WSB1: variants seen among roughly 807,000 people sequenced by gnomAD.
WSB1 encodes WD repeat and SOCS box-containing protein 1.
In WSB1, 23 loss-of-function variants were observed where a neutral mutation model predicts 50.2. The observed-to-expected ratio is 0.46, with a 90% CI of 0.33 to 0.65. The LOEUF (loss-of-function observed/expected upper bound fraction) is 0.65. WSB1 is among the 30% of genes least tolerant of loss of function. WSB1 has a pLI of 0.02. For missense variants in WSB1, 492 were observed against 522.3 expected, an observed-to-expected ratio of 0.94 and a Z score of 0.56; for synonymous variants, 179 against 172.0, an observed-to-expected ratio of 1.04 and a Z score of -0.32.
At chr17:27,306,713 T>C in intron 4 of WSB1, 69 bp from the exon 5 acceptor site, 2 of 1,469,716 alleles carry the variant, frequency 1.4e-6, no homozygotes, top group Non-Finnish European at 1.9e-6. Flanking sequence ...TTTGCTTTAC[T>C]GCTGTTTTGA....
At chr17:27,294,546 C>A in intron 1 of WSB1, 111 bp downstream of exon 1, 1 of 1,464,004 alleles carries the variant, frequency 6.8e-7, no homozygotes. Flanking sequence ...CTCCAGTGCG[C>A]CAGGGCCAGC....
intron 7 of WSB1, among the ~76,000 whole-genome samples, chr17:27,311,307 G>A (rs1281897202): frequency 6.6e-6 from 1 of 152,180 alleles, no homozygotes; most frequent in Non-Finnish European, 1.5e-5. Flanking sequence ...TCTCTTAAGT[G>A]AAAGTTTATC....
At chr17:27,311,457 G>A (rs1249289454) in intron 7 of WSB1, 52 bp from the exon 8 acceptor site, 1 of 1,462,436 alleles carries the variant, frequency 6.8e-7, no homozygotes, top group South Asian at 1.3e-5. Context: ...TAAAAAAGTT[G>A]CTTTTACCTT....
intron 1 of WSB1, among the ~76,000 whole-genome samples, chr17:27,300,103 A>G (rs777049532): frequency 7.2e-5 from 10 of 139,826 alleles, no homozygotes; most frequent in Non-Finnish European, 1.5e-4. Context: ...AGCACCTGTC[A>G]TATGCCAGGT....
chr17:27,298,990 G>A (rs2017108930), intron 1 of WSB1, among the ~76,000 whole-genome samples: 1 of 152,068 alleles, frequency 6.6e-6, no homozygotes, highest in Admixed American at 6.6e-5. Flanking sequence ...AAGCCTACGA[G>A]TTTGCCTCTG....
In WSB1 at chr17:27,310,175, G is replaced by A. The variant is rs1461078250; in HGVS notation, c.998+1G>A. The A allele has an allele frequency of 6.2e-7, 1 of 1,612,712 alleles. No homozygotes were observed. Among genetic ancestry groups the A allele is most frequent in the Non-Finnish European group, 8.5e-7 (1 of 1,178,962 alleles). The stretch of plus-strand genomic sequence containing the variant: ...ATGTTGCAAGCCTTGCTGATGATAA[G>A]TAAGTATGTGCATTATAGCTTGACT... On this transcript the variant is annotated splice_donor_variant, in intron 7 of 8. Coordinates refer to ENST00000262394, the MANE Select transcript of WSB1 (RefSeq NM_015626.10). LOFTEE classifies it high-confidence loss of function.
At chr17:27,308,272 C>T in intron 5 of WSB1, 4 of 985,604 alleles carry the variant, frequency 4.1e-6, no homozygotes, top group Non-Finnish European at 4.8e-6. Flanking sequence ...GATAAACCTC[C>T]AAGCTCACAT....
intron 4 of WSB1, among the ~76,000 whole-genome samples, chr17:27,305,394 T>G (rs2017406469): frequency 6.6e-6 from 1 of 152,364 alleles, no homozygotes; most frequent in African/African-American, 2.4e-5. Context: ...AAGAAGTGCT[T>G]TTATAAAAAG....
In WSB1 at chr17:27,306,900, T is replaced by C. The variant is rs1479015042; in HGVS notation, c.711+18T>C. ...GTAAAGCAGTACGTGTCAAAGTTCT[T>C]GTACATTCATTATGAATTGGATTAT... On this transcript the variant is annotated intron_variant, in intron 5 of 8. Coordinates refer to ENST00000262394, the MANE Select transcript of WSB1 (RefSeq NM_015626.10). 9 of 1,608,042 alleles carry C rather than the reference T, an allele frequency of 5.6e-6. No individual in the cohort carries two copies. The highest frequency in any genetic ancestry group is 7.7e-6 in the Non-Finnish European group (9 of 1,174,822).
chr17:27,306,736 T>G, intron 4 of WSB1, 46 bp from the exon 5 acceptor site: 1 of 1,579,924 alleles, frequency 6.3e-7, no homozygotes, highest in Non-Finnish European at 8.7e-7. Context: ...TACTGCTCAT[T>G]TGAAGTGGAT....
intron 3 of WSB1, 75 bp from the exon 4 acceptor site, chr17:27,304,705 C>T (rs1203320604): frequency 5.9e-5 from 86 of 1,453,132 alleles, no homozygotes; most frequent in Non-Finnish European, 7.8e-5. Context: ...GAGTGAGACC[C>T]TGTCTCAAGA....
chr17:27,310,544 A>G (rs1336750050), intron 7 of WSB1, among the ~76,000 whole-genome samples: 3 of 152,236 alleles, frequency 2.0e-5, no homozygotes, highest in Non-Finnish European at 4.4e-5. Flanking sequence ...TGTATCCACC[A>G]TGATTGAGAT....
intron 7 of WSB1, 73 bp downstream of exon 7, chr17:27,310,247 A>C (rs2017625370): frequency 7.1e-7 from 1 of 1,402,070 alleles, no homozygotes. Context: ...GCCTTTCTGC[A>C]GTTAAGAGTT....
intron 8 of WSB1, 131 bp from the exon 9 acceptor site, chr17:27,312,078 CT>C (rs11305587): frequency 0.36 from 411,085 of 1,156,180 alleles, 74,214 homozygotes; most frequent in Middle Eastern, 0.45. Context: ...TTGGTTAGTT[CT>C]TCCTGGTTGG....
intron 1 of WSB1, among the ~76,000 whole-genome samples, chr17:27,296,081 C>T: frequency 6.6e-6 from 1 of 152,150 alleles, no homozygotes; most frequent in Non-Finnish European, 1.5e-5. Flanking sequence ...TGATCGCCCA[C>T]CTCTGCCTCC....
chr17:27,305,886 T>A (rs1307468278), intron 4 of WSB1, among the ~76,000 whole-genome samples: 1 of 152,252 alleles, frequency 6.6e-6, no homozygotes, highest in Non-Finnish European at 1.5e-5. Context: ...TGTACATGTT[T>A]TAAGAACATA....
Position 27,303,350 on chromosome 17 carries a change from G to T in WSB1, c.210-17G>T, listed in dbSNP as rs570946788. 1.2e-6 allele frequency: 2 copies of T among 1,610,760 alleles called. No homozygotes were observed. The highest frequency in any genetic ancestry group is 2.2e-5 in the East Asian group (1 of 44,812). ...GTGAATAATAATACAATTTCCATCT[G>T]ACTTCCCCCACTCCAGTCTCTTGCA... is the stretch of plus-strand genomic sequence containing the variant. On this transcript the variant is annotated splice_polypyrimidine_tract_variant and intron_variant, in intron 2 of 8. Coordinates refer to ENST00000262394, the MANE Select transcript of WSB1 (RefSeq NM_015626.10).
intron 1 of WSB1, among the ~76,000 whole-genome samples, chr17:27,296,975 A>G (rs1170117871): frequency 2.6e-5 from 4 of 152,238 alleles, no homozygotes; most frequent in Admixed American, 6.5e-5. Context: ...TATACCTGTT[A>G]TCCAGCAAAG....
In WSB1 at chr17:27,306,729, T is replaced by C. The variant is rs2017475885; in HGVS notation, c.611-53T>C. Reference sequence around the variant, plus strand: ...TTGCTTTACTGCTGTTTTGAAATACTGCTCATTTGAAGTGGATTCTAGGGT... The same window carrying C: ...TTGCTTTACTGCTGTTTTGAAATACCGCTCATTTGAAGTGGATTCTAGGGT... On this transcript the variant is annotated intron_variant, in intron 4 of 8. Transcript: ENST00000262394. The C allele has an allele frequency of 7.1e-6, 11 of 1,553,426 alleles. No individual in the cohort carries two copies. The South Asian group carries it at 1.0e-4, about 15-fold the overall frequency.
Sources: gnomAD v4.1 joint callset for allele counts (sites outside exome capture counted in the v4.1 genomes callset) on GRCh38, gnomAD v4.1.1 for gene constraint, MANE v1.5 for transcripts, NCBI Gene and HGNC (gene_info 2026-07-23, HGNC 2026-07-21) for gene names.